Variants in FGD4 observed in about 807,000 individuals in gnomAD.
FGD4 encodes FYVE, RhoGEF and PH domain-containing protein 4.
A neutral mutation model predicts 102.0 loss-of-function variants in FGD4; 42 were observed. The observed-to-expected ratio is 0.41, with a 90% CI of 0.32 to 0.53. FGD4 has a LOEUF of 0.53. Among genes scored for constraint, FGD4 ranks in the 20% least tolerant of loss-of-function variants. The pLI, the probability that FGD4 is intolerant of heterozygous loss-of-function variation, is 0.21. For synonymous variants in FGD4, 380 were observed against 375.7 expected (o/e 1.01, Z -0.13); for missense variants, 902 against 1,078.2 (o/e 0.84, Z 2.29).
chr12:32,627,154 T>C (rs1194864868), intron 14 of FGD4, among the ~76,000 whole-genome samples: 1 of 139,534 alleles, frequency 7.2e-6, no homozygotes, highest in Non-Finnish European at 1.5e-5. Context: ...GCTAAATACA[T>C]TTTTTTTCTT....
In FGD4 at chr12:32,582,000, G is replaced by A. The variant is rs1193336418; in HGVS notation, c.544G>A (p.Val182Met). Residue 182 changes from valine to methionine, a missense_variant, in exon 4 of 17, where the codon GTG becomes ATG. Physicochemically the swap from Val to Met is conservative, Grantham distance 21. Around this residue, in one of 2 missense-constraint regions of FGD4, gnomAD observed 443 missense variants for 459.2 expected, o/e 0.96. Coordinates refer to ENST00000534526, the MANE Select transcript of FGD4 (RefSeq NM_001370298.3). ...TAGTGATTTGAAGAAAGAGTCTGCT[G>A]TGAACCTAAATGCTCCTAGAACCCC... ...NYSDLKKESA[V>M]NLNAPRTPGR... is the part of the protein sequence containing the mutation. 1 of 1,614,164 alleles carries A rather than the reference G, an allele frequency of 6.2e-7. No individual in the cohort carries two copies. The highest frequency in any genetic ancestry group is 1.7e-5 in the Admixed American group (1 of 60,012).
intron 1 of FGD4, among the ~76,000 whole-genome samples, chr12:32,510,612 A>G (rs1939264972): frequency 6.6e-6 from 1 of 152,188 alleles, no homozygotes; most frequent in Admixed American, 6.5e-5. Context: ...AAGTAATAGT[A>G]ACCAATGCAG....
intron 10 of FGD4, among the ~76,000 whole-genome samples, chr12:32,614,314 T>C (rs940861930): frequency 6.6e-6 from 1 of 152,182 alleles, no homozygotes; most frequent in African/African-American, 2.4e-5. Context: ...AGATGAAACA[T>C]GGCTTTCCCA....
intron 1 of FGD4, among the ~76,000 whole-genome samples, chr12:32,422,092 C>T (rs1437596054): frequency 3.4e-5 from 5 of 148,208 alleles, no homozygotes; most frequent in Non-Finnish European, 4.5e-5. Context: ...TGCAGTGAGC[C>T]GAAATCATGC....
intron 1 of FGD4, among the ~76,000 whole-genome samples, chr12:32,477,757 G>C (rs1037587505): frequency 2.6e-5 from 4 of 152,188 alleles, no homozygotes; most frequent in South Asian, 2.1e-4. Flanking sequence ...AACAATGAAA[G>C]GCATAATCTG....
chr12:32,461,469 T>G (rs1943102308), intron 1 of FGD4, among the ~76,000 whole-genome samples: 1 of 152,182 alleles, frequency 6.6e-6, no homozygotes, highest in Admixed American at 6.5e-5. Context: ...TTTCCATTTA[T>G]TCATCTTTTT....
chr12:32,450,613 G>A (rs956606481), intron 1 of FGD4, among the ~76,000 whole-genome samples: 3 of 151,998 alleles, frequency 2.0e-5, no homozygotes, highest in African/African-American at 7.3e-5. Context: ...AGTGGAAAAG[G>A]GTGTATACAA....
intron 1 of FGD4, among the ~76,000 whole-genome samples, chr12:32,507,512 TATCGTATAAAA>T (rs1019586434): frequency 5.8e-4 from 88 of 152,340 alleles, no homozygotes; most frequent in Non-Finnish European, 5.7e-4. Flanking sequence ...CAATCGTCAG[TATCGTATAAAA>T]ATCATGTTAA....
intron 1 of FGD4, among the ~76,000 whole-genome samples, chr12:32,411,560 A>G (rs1941209876): frequency 1.3e-5 from 2 of 151,882 alleles, no homozygotes; most frequent in African/African-American, 4.8e-5. Context: ...CAACAAACAC[A>G]TGCTAGGAGG....
Position 32,549,189 on chromosome 12 carries a change from C to T in FGD4, c.167-14948C>T, listed in dbSNP as rs934548509. Among the ~76,000 whole-genome samples, 29 of 152,268 alleles carry T rather than the reference C, an allele frequency of 1.9e-4. 1 individual carries two copies. The highest frequency in any genetic ancestry group is 1.9e-3 in the Admixed American group (29 of 15,296). On this transcript the variant is annotated intron_variant, in intron 1 of 16. Coordinates refer to ENST00000534526, the MANE Select transcript of FGD4 (RefSeq NM_001370298.3). The stretch of plus-strand genomic sequence containing the variant: ...AGTATTGTAAGTGTACAAGATGAAG[C>T]TTTAAAATTGGGCAAATAACAGATA...
intron 5 of FGD4, 97 bp from the exon 6 acceptor site, chr12:32,601,181 C>A: frequency 7.9e-7 from 1 of 1,270,344 alleles, no homozygotes; most frequent in Non-Finnish European, 1.1e-6. Context: ...TCCATTTGCT[C>A]AATAAAAAGT....
At chr12:32,591,037 T>TG (rs1947433184) in intron 4 of FGD4, among the ~76,000 whole-genome samples, 1 of 152,226 alleles carries the variant, frequency 6.6e-6, no homozygotes, top group Admixed American at 6.5e-5. Context: ...AAAGTGTTGA[T>TG]GCATCTGATA....
intron 1 of FGD4, among the ~76,000 whole-genome samples, chr12:32,538,294 G>C (rs1942486399): frequency 1.3e-5 from 2 of 152,326 alleles, no homozygotes; most frequent in South Asian, 4.1e-4. Context: ...GTAACTAATA[G>C]ATACTGGGTG....
chr12:32,530,132 A>C (rs1941653829), intron 1 of FGD4, among the ~76,000 whole-genome samples: 1 of 152,120 alleles, frequency 6.6e-6, no homozygotes, highest in Non-Finnish European at 1.5e-5. Flanking sequence ...AAGCTGTTGA[A>C]TATAATATAG....
intron 14 of FGD4, among the ~76,000 whole-genome samples, chr12:32,632,267 AAGAC>A (rs1286764638): frequency 3.9e-5 from 6 of 152,250 alleles, no homozygotes; most frequent in African/African-American, 4.8e-5. Context: ...CATTCATTCA[AAGAC>A]AGTCTCTCCT....
chr12:32,415,102 T>C (rs1941353554), intron 1 of FGD4, among the ~76,000 whole-genome samples: 1 of 152,328 alleles, frequency 6.6e-6, no homozygotes. Context: ...AAAATTCCTC[T>C]TGTTATTTAT....
chr12:32,613,346 T>G (rs1360155780), intron 10 of FGD4, among the ~76,000 whole-genome samples: 2 of 152,202 alleles, frequency 1.3e-5, no homozygotes, highest in Non-Finnish European at 2.9e-5. Context: ...AAATGCATGT[T>G]ATGAAAAAAC....
At chr12:32,446,442 A>G (rs552294407) in intron 1 of FGD4, among the ~76,000 whole-genome samples, 1 of 152,248 alleles carries the variant, frequency 6.6e-6, no homozygotes, top group Non-Finnish European at 1.5e-5. Context: ...GTCTAATGGC[A>G]GTACACACGG....
At position 32,643,114 on chromosome 12, in the gene FGD4, A is replaced by C. The variant is rs1354246700; in HGVS notation, c.*2581A>C. On this transcript the variant is annotated 3_prime_UTR_variant, in exon 17 of 17. Coordinates refer to ENST00000534526, the MANE Select transcript of FGD4 (RefSeq NM_001370298.3). ...AAAGTACTTCCTTGACAAAATTTCT[A>C]TTCATTATAAAACATTTCAATATTT... 6.6e-6 allele frequency: 1 copy of C among 152,500 alleles called. No homozygotes were observed. Among genetic ancestry groups the C allele is most frequent in the East Asian group, 1.9e-4 (1 of 5,200 alleles). The allele number at this position is 152,500 out of a possible 1,614,324, so 9.4% of individuals were successfully genotyped here. A position where few individuals can be genotyped will look rare whatever the true frequency, so the allele number is the denominator to read the frequency against.
Sources: allele counts gnomAD v4.1 joint callset (sites outside exome capture counted in the v4.1 genomes callset), GRCh38; gene constraint gnomAD v4.1.1; regional missense constraint gnomAD v4.1.1; transcripts MANE v1.5; gene names NCBI Gene and HGNC (gene_info 2026-07-23, HGNC 2026-07-21).